Variants in GRIA2 observed in about 807,000 individuals in gnomAD.
GRIA2 encodes glutamate receptor 2.
Under a neutral mutation model 97.3 loss-of-function variants are expected in GRIA2, and 14 were observed. The ratio of observed to expected loss-of-function variants is 0.14; its 90% confidence interval spans 0.10 to 0.23. The LOEUF (loss-of-function observed/expected upper bound fraction) is 0.23, where lower values mean the gene tolerates loss of function less well. GRIA2 is among the 10% of genes least tolerant of loss of function. The pLI is 1.00. For missense variants in GRIA2, 558 were observed against 1,069.8 expected (o/e 0.52, Z 6.67); for synonymous variants, 412 against 387.8 (o/e 1.06, Z -0.73).
intron 2 of GRIA2, among the ~76,000 whole-genome samples, chr4:157,292,090 A>G (rs1733130366): frequency 6.6e-6 from 1 of 152,026 alleles, no homozygotes; most frequent in African/African-American, 2.4e-5. Flanking sequence ...ATCTCTGCCA[A>G]TTAGTTTGTA....
chr4:157,327,235 T>G (rs758132173), intron 6 of GRIA2, among the ~76,000 whole-genome samples: 1 of 152,040 alleles, frequency 6.6e-6, no homozygotes, highest in Non-Finnish European at 1.5e-5. Flanking sequence ...AAGCACACTA[T>G]AGATATTTGT....
chr4:157,343,417 C>G (rs1346483326), intron 12 of GRIA2, among the ~76,000 whole-genome samples: 2 of 152,004 alleles, frequency 1.3e-5, no homozygotes, highest in Non-Finnish European at 2.9e-5. Context: ...TCCTCCTAGC[C>G]AGGGTTCTTT....
intron 5 of GRIA2, among the ~76,000 whole-genome samples, chr4:157,318,864 T>C (rs1191153481): frequency 6.6e-6 from 1 of 152,212 alleles, no homozygotes; most frequent in Non-Finnish European, 1.5e-5. Flanking sequence ...ACAAATTTAA[T>C]GATTCCTAGT....
chr4:157,333,252 C>G lies in GRIA2; in HGVS notation c.1054C>G (p.Gln352Glu), dbSNP rs781263589. ...VEIERALKQVQVEGLSGNIKF... is the reference protein window; with the variant it reads ...VEIERALKQVEVEGLSGNIKF... ...TGCTTTCCCATTTCTTCATTAGGTT[C>G]AGGTTGAAGGTCTCTCAGGAAATAT... Residue 352 changes from glutamine to glutamate, a missense_variant, in exon 8 of 16, where the codon CAG (glutamine) becomes GAG (glutamate). Around this residue, in one of 8 missense-constraint regions of GRIA2, gnomAD observed 66 missense variants for 118.7 expected, o/e 0.56. Coordinates refer to ENST00000264426, the MANE Select transcript of GRIA2 (RefSeq NM_001083619.3). 1 of 1,537,834 alleles carries G rather than the reference C, an allele frequency of 6.5e-7. No individual in the cohort carries two copies. Among genetic ancestry groups the G allele is most frequent in the South Asian group, 1.1e-5 (1 of 87,574 alleles).
At position 157,257,893 on chromosome 4, in the gene GRIA2, A is replaced by T. The variant is rs144932592; in HGVS notation, c.229+36086A>T. ...AACATAAATTGTGAAGATTTCATGGACATTTATTAATTCACCAAATTAATA... is the reference window on the plus strand; with the variant it reads ...AACATAAATTGTGAAGATTTCATGGTCATTTATTAATTCACCAAATTAATA... On this transcript the variant is annotated intron_variant, in intron 2 of 15. Transcript: ENST00000264426. Among the ~76,000 whole-genome samples the T allele has an allele frequency of 2.0e-4, 31 of 152,240 alleles. 1 individual carries two copies. In the East Asian group the frequency reaches 5.8e-3, roughly 29 times the overall value.
chr4:157,266,553 T>A (rs1731778856), intron 2 of GRIA2, among the ~76,000 whole-genome samples: 1 of 152,062 alleles, frequency 6.6e-6, no homozygotes, highest in Admixed American at 6.6e-5. Context: ...ACAAAAGTCC[T>A]CGGAGACCTT....
At chr4:157,287,054 A>G (rs527610262) in intron 2 of GRIA2, among the ~76,000 whole-genome samples, 2 of 151,700 alleles carry the variant, frequency 1.3e-5, no homozygotes, top group South Asian at 4.1e-4. Context: ...CTGTCTGGAA[A>G]CAACTCCAAT....
intron 3 of GRIA2, among the ~76,000 whole-genome samples, chr4:157,304,654 G>A (rs1383292398): frequency 6.6e-6 from 1 of 152,232 alleles, no homozygotes; most frequent in East Asian, 1.9e-4. Flanking sequence ...GAGGGACAAC[G>A]ATTGTCCTAG....
At chr4:157,343,509 C>T (rs1456912698) in intron 12 of GRIA2, among the ~76,000 whole-genome samples, 1 of 152,064 alleles carries the variant, frequency 6.6e-6, no homozygotes, top group African/African-American at 2.4e-5. Flanking sequence ...TACATCCACA[C>T]TTGTTTGTGT....
intron 5 of GRIA2, among the ~76,000 whole-genome samples, chr4:157,318,453 G>T (rs1011723041): frequency 4.6e-5 from 7 of 152,038 alleles, no homozygotes; most frequent in Admixed American, 2.0e-4. Flanking sequence ...TTTTTATTAT[G>T]ATTCCTGTCA....
chr4:157,348,448 A>G (rs1337068935), intron 12 of GRIA2, among the ~76,000 whole-genome samples: 3 of 152,132 alleles, frequency 2.0e-5, no homozygotes, highest in African/African-American at 4.8e-5. Context: ...TATGTTGCCC[A>G]GGCTGGTCTC....
At chr4:157,275,015 C>T (rs1397462338) in intron 2 of GRIA2, among the ~76,000 whole-genome samples, 3 of 151,746 alleles carry the variant, frequency 2.0e-5, no homozygotes, top group Non-Finnish European at 4.4e-5. Context: ...TTCTCCACAT[C>T]CTCTCCAGCG....
intron 2 of GRIA2, among the ~76,000 whole-genome samples, chr4:157,238,898 A>AT (rs1246715390): frequency 1.3e-5 from 2 of 152,264 alleles, no homozygotes; most frequent in East Asian, 1.9e-4. Flanking sequence ...ACCTAAAAAT[A>AT]TTTTTTGTTA....
At chr4:157,342,795 C>G (rs974709497) in intron 12 of GRIA2, among the ~76,000 whole-genome samples, 5 of 151,968 alleles carry the variant, frequency 3.3e-5, no homozygotes, top group African/African-American at 1.2e-4. Flanking sequence ...TTACTTGGTG[C>G]TACTTATGTT....
chr4:157,332,653 G>A (rs952250541), intron 6 of GRIA2, among the ~76,000 whole-genome samples, 166 bp from the exon 7 acceptor site: 2 of 152,012 alleles, frequency 1.3e-5, no homozygotes, highest in Non-Finnish European at 2.9e-5. Flanking sequence ...CCCATGTTTT[G>A]TAATGCTTCT....
intron 12 of GRIA2, among the ~76,000 whole-genome samples, chr4:157,358,357 C>T (rs1488385422): frequency 6.6e-6 from 1 of 152,132 alleles, no homozygotes; most frequent in African/African-American, 2.4e-5. Flanking sequence ...TCATGCTAAA[C>T]ATAGCTGGGG....
chr4:157,231,493 C>T (rs1166146362), intron 2 of GRIA2, among the ~76,000 whole-genome samples: 1 of 152,120 alleles, frequency 6.6e-6, no homozygotes, highest in Non-Finnish European at 1.5e-5. Context: ...ATGCATTTCT[C>T]TGAGGAAAAA....
At position 157,364,557 on chromosome 4, in the gene GRIA2, A is replaced by G. The variant is rs1736797149; in HGVS notation, c.*1126A>G. 6.6e-6 allele frequency: 1 copy of G among 152,226 alleles called. No individual in the cohort carries two copies. Among genetic ancestry groups the G allele is most frequent in the Non-Finnish European group, 1.5e-5 (1 of 67,838 alleles). 9.4% of individuals were successfully genotyped at this position (152,226 alleles called of 1,614,324 possible). A position where few individuals can be genotyped will look rare whatever the true frequency, so the allele number is the denominator to read the frequency against. ...TAATAGATTTAAAAAGCTAATATTA[A>G]CAAATACCAGAATACGTGAAGTTCC... On this transcript the variant is annotated 3_prime_UTR_variant, in exon 16 of 16. Transcript: ENST00000264426.
At chr4:157,278,139 A>G (rs899747106) in intron 2 of GRIA2, among the ~76,000 whole-genome samples, 2 of 151,718 alleles carry the variant, frequency 1.3e-5, no homozygotes, top group African/African-American at 4.8e-5. Flanking sequence ...ATGTGGAGAG[A>G]AAAGAATACC....
Sources: allele counts gnomAD v4.1 joint callset (sites outside exome capture counted in the v4.1 genomes callset), GRCh38; gene constraint gnomAD v4.1.1; regional missense constraint gnomAD v4.1.1; transcripts MANE v1.5; gene names NCBI Gene and HGNC (gene_info 2026-07-23, HGNC 2026-07-21).